The following DST variants were observed in gnomAD, a reference collection of about 807,000 sequenced individuals.
DST encodes the protein dystonin.
Under a neutral mutation model 875.2 loss-of-function variants are expected in DST, and 253 were observed. That is an observed-to-expected ratio of 0.29 (90% CI 0.26 to 0.32). DST has a LOEUF of 0.32. Ranked by LOEUF, DST falls within the 10% of genes least tolerant of loss-of-function variation. The probability of loss-of-function intolerance (pLI) is 1.00; values close to 1 mark genes in which losing one functional copy is unlikely to be tolerated. For missense variants in DST, 8,287 were observed against 9,111.6 expected (o/e 0.91, Z 3.68); for synonymous variants, 3,124 against 3,197.1 (o/e 0.98, Z 0.77).
At chr6:56,870,391 T>C (rs1280399460) in intron 3 of DST, among the ~76,000 whole-genome samples, 2 of 146,674 alleles carry the variant, frequency 1.4e-5, no homozygotes, top group African/African-American at 5.2e-5. Flanking sequence ...CCTCCCATTT[T>C]ATGGGAGCCC....
chr6:56,587,858 T>C (rs1227561917), intron 49 of DST, among the ~76,000 whole-genome samples: 2 of 151,892 alleles, frequency 1.3e-5, no homozygotes, highest in Non-Finnish European at 2.9e-5. Flanking sequence ...GACAAGCCAA[T>C]GCTGAGAGAT....
intron 3 of DST, among the ~76,000 whole-genome samples, chr6:56,889,445 TG>T (rs1377845749): frequency 1.3e-5 from 2 of 152,214 alleles, no homozygotes; most frequent in African/African-American, 2.4e-5. Flanking sequence ...CATTGCTTGA[TG>T]GTGGTGGGAG....
rs1420833351 is a variant in DST at position 56,606,534 on chromosome 6, A to T, written c.8094T>A (p.Asp2698Glu). 2.5e-6 allele frequency: 4 copies of T among 1,613,508 alleles called. No individual in the cohort carries two copies. Among genetic ancestry groups the T allele is most frequent in the Non-Finnish European group, 3.4e-6 (4 of 1,179,608 alleles). ...LQDFLMDVEK[D>E]ELDSGEKIHL... ...GTATTTTTTCACCAGAATCTAATTC[A>T]TCTTTCTCAACATCCATAAGGAAAT... Residue 2698 changes from aspartate (D) to glutamate (E), a missense_variant, in exon 40 of 104, where the codon GAT (aspartate) becomes GAA (glutamate). Physicochemically the swap from Asp to Glu is conservative, Grantham distance 45. This residue lies in a region of DST where 3,138 missense variants were observed against 3,116.6 expected (regional missense o/e 1.01). Coordinates refer to ENST00000680361, the MANE Select transcript of DST (RefSeq NM_001374736.1).
chr6:56,662,050 C>T (rs943841183), intron 10 of DST, among the ~76,000 whole-genome samples: 4 of 151,602 alleles, frequency 2.6e-5, no homozygotes, highest in African/African-American at 7.3e-5. Context: ...TCTTTAAAAG[C>T]TGAAAAGAAA....
chr6:56,925,216 C>T (rs1482721916), intron 2 of DST, among the ~76,000 whole-genome samples: 1 of 152,142 alleles, frequency 6.6e-6, no homozygotes, highest in Non-Finnish European at 1.5e-5. Context: ...GCTAACATCA[C>T]ACTAGTGTTG....
chr6:56,602,804 CA>C (rs1308536640), intron 43 of DST, 77 bp downstream of exon 43: 2 of 1,117,838 alleles, frequency 1.8e-6, no homozygotes, highest in African/African-American at 3.2e-5. Context: ...TTAGCAAAGT[CA>C]TATTTTCTAA....
rs1326778656 is a variant in DST, at chr6:56,714,061, A to G, written c.688-9692T>C. Among the ~76,000 whole-genome samples, 1 of 152,172 alleles carries G rather than the reference A, an allele frequency of 6.6e-6. No individual in the cohort carries two copies. The highest frequency in any genetic ancestry group is 1.5e-5 in the Non-Finnish European group (1 of 68,036). The stretch of plus-strand genomic sequence containing the variant: ...CCCCAGATGATGAGATACCACTGCC[A>G]CTGCTACAATCCGTTCTGATGCTTA... On this transcript the variant is annotated intron_variant, in intron 5 of 103. Transcript: ENST00000680361. This position sits in a 1 kb window ranked among gnomAD's most constrained non-coding sequence, Gnocchi z 4.5.
At chr6:56,795,307 A>G (rs367593854) in intron 4 of DST, among the ~76,000 whole-genome samples, 1 of 152,272 alleles carries the variant, frequency 6.6e-6, no homozygotes, top group African/African-American at 2.4e-5. Flanking sequence ...TGAGGAAATC[A>G]CTCTGTAAAC....
chr6:56,819,336 T>C (rs1280990795), intron 4 of DST, among the ~76,000 whole-genome samples: 1 of 152,146 alleles, frequency 6.6e-6, no homozygotes, highest in African/African-American at 2.4e-5. Flanking sequence ...TCAACAAGGT[T>C]TGTAGATAAA....
At chr6:56,563,835 G>A (rs1408138850) in intron 55 of DST, among the ~76,000 whole-genome samples, 1 of 152,156 alleles carries the variant, frequency 6.6e-6, no homozygotes, top group Non-Finnish European at 1.5e-5. Context: ...ATTAAATAGG[G>A]AATCCTTCCC....
intron 4 of DST, among the ~76,000 whole-genome samples, chr6:56,824,426 AC>A (rs1389316509): frequency 2.6e-5 from 4 of 151,548 alleles, no homozygotes; most frequent in Non-Finnish European, 5.9e-5. Context: ...CCCGGCTGCC[AC>A]CCCGTCTGGG....
At chr6:56,767,432 C>A (rs899636286) in intron 4 of DST, among the ~76,000 whole-genome samples, 5 of 152,062 alleles carry the variant, frequency 3.3e-5, no homozygotes, top group African/African-American at 1.2e-4. Flanking sequence ...GCCTGACCAA[C>A]ATGGCGAAAT....
intron 55 of DST, among the ~76,000 whole-genome samples, chr6:56,564,456 C>T (rs2097613291): frequency 6.6e-6 from 1 of 152,164 alleles, no homozygotes; most frequent in Non-Finnish European, 1.5e-5. Flanking sequence ...TGCTTAACAG[C>T]TTAAGGAGAT....
At chr6:56,783,262 C>G (rs1465916189) in intron 4 of DST, among the ~76,000 whole-genome samples, 1 of 152,126 alleles carries the variant, frequency 6.6e-6, no homozygotes, top group African/African-American at 2.4e-5. Context: ...GAGCTGAGTC[C>G]AATTCCTGGG....
At chr6:56,701,149 C>T (rs1310019355) in intron 8 of DST, among the ~76,000 whole-genome samples, 2 of 151,700 alleles carry the variant, frequency 1.3e-5, no homozygotes, top group East Asian at 3.9e-4. Context: ...CCAGCCTCTT[C>T]CTTTTTTTCA....
At chr6:56,786,324 T>C (rs1564175558) in intron 4 of DST, among the ~76,000 whole-genome samples, 1 of 152,222 alleles carries the variant, frequency 6.6e-6, no homozygotes, top group Non-Finnish European at 1.5e-5. Context: ...TTTGTTCTAT[T>C]AGCAGATAGT....
At chr6:56,531,842 T>C (rs879736782) in intron 64 of DST, among the ~76,000 whole-genome samples, 2 of 151,892 alleles carry the variant, frequency 1.3e-5, no homozygotes, top group Non-Finnish European at 2.9e-5. Flanking sequence ...ACCTTCTTTG[T>C]TTCCTAGCTC....
chr6:56,948,988 C>G (rs572453708), intron 2 of DST, among the ~76,000 whole-genome samples: 1 of 152,128 alleles, frequency 6.6e-6, no homozygotes, highest in South Asian at 2.1e-4. Context: ...AGAGACTTGA[C>G]CAAGGTGACA....
intron 12 of DST, among the ~76,000 whole-genome samples, chr6:56,648,998 C>T (rs2098959794): frequency 6.6e-6 from 1 of 152,216 alleles, no homozygotes; most frequent in South Asian, 2.1e-4. Context: ...GAAAAAAATC[C>T]AAAGTCAATT....
Sources: gnomAD v4.1 joint callset for allele counts (sites outside exome capture counted in the v4.1 genomes callset) on GRCh38, gnomAD v4.1.1 for gene constraint, gnomAD v4.1.1 regional missense constraint, Gnocchi (gnomAD v3.1) non-coding constraint, MANE v1.5 for transcripts, NCBI Gene and HGNC (gene_info 2026-07-23, HGNC 2026-07-21) for gene names.